The following PDE5A variants were observed in gnomAD, a reference collection of about 807,000 sequenced individuals.
PDE5A encodes the protein phosphodiesterase 5A, also known as cGMP-specific 3',5'-cyclic phosphodiesterase.
PDE5A carries 67 observed loss-of-function variants against 110.2 expected under a neutral mutation model. The ratio of observed to expected loss-of-function variants is 0.61; its 90% CI spans 0.50 to 0.75. The LOEUF (loss-of-function observed/expected upper bound fraction) is 0.75, where lower values mean the gene tolerates loss of function less well. PDE5A is among the 30% of genes least tolerant of loss of function. The pLI is 0.00. For synonymous variants in PDE5A, 328 were observed against 351.2 expected (o/e 0.93, Z 0.74); for missense variants, 862 against 1,045.1 (o/e 0.82, Z 2.42).
intron 1 of PDE5A, among the ~76,000 whole-genome samples, chr4:119,612,308 C>T (rs112903887): frequency 1.3e-5 from 2 of 152,270 alleles, no homozygotes; most frequent in African/African-American, 4.8e-5. Context: ...TCATGAATGG[C>T]TTCACACCAT....
In PDE5A at chr4:119,565,973, TTAA is replaced by T. The variant is rs568648578; in HGVS notation, c.904-566_904-564del. On this transcript the variant is annotated intron_variant, in intron 4 of 20. Coordinates refer to ENST00000354960, the MANE Select transcript of PDE5A (RefSeq NM_001083.4). ...TTATTATTAATTAATATTATTATAATTAATAATAATTAATAGTATTAATTATTG... is the reference window on the plus strand; with the variant it reads ...TTATTATTAATTAATATTATTATAATTAATAATTAATAGTATTAATTATTG... 3.5e-3 allele frequency among the ~76,000 whole-genome samples: 519 copies of T among 147,500 alleles called. 4 individuals are homozygous for T. The highest frequency in any genetic ancestry group is 0.012 in the African/African-American group (478 of 40,224).
intron 1 of PDE5A, among the ~76,000 whole-genome samples, chr4:119,623,806 G>A (rs566883622): frequency 1.3e-5 from 2 of 152,236 alleles, no homozygotes; most frequent in South Asian, 4.1e-4. Context: ...GCTACTGAAT[G>A]ATACCACAAG....
At chr4:119,547,851 C>A (rs760152695) in intron 9 of PDE5A, among the ~76,000 whole-genome samples, 1 of 151,786 alleles carries the variant, frequency 6.6e-6, no homozygotes, top group Non-Finnish European at 1.5e-5. Context: ...TGCATATCAC[C>A]AATATTTGAT....
chr4:119,579,581 T>G (rs1578795233), intron 3 of PDE5A, among the ~76,000 whole-genome samples: 1 of 150,058 alleles, frequency 6.7e-6, no homozygotes, highest in South Asian at 2.1e-4. Context: ...CAGCAAACTA[T>G]CACAAGGACA....
At chr4:119,564,487 T>C (rs1727854237) in intron 5 of PDE5A, among the ~76,000 whole-genome samples, 1 of 152,104 alleles carries the variant, frequency 6.6e-6, no homozygotes, top group Non-Finnish European at 1.5e-5. Flanking sequence ...ATGATGACAC[T>C]AGTGTAGCAG....
At chr4:119,499,776 C>G (rs758485015) in intron 20 of PDE5A, 2 of 152,096 alleles carry the variant, frequency 1.3e-5, no homozygotes, top group South Asian at 4.2e-4. Flanking sequence ...AGGCTGGCCT[C>G]GAACTCCTGA....
At chr4:119,568,569 CAT>C (rs1216869362) in intron 3 of PDE5A, among the ~76,000 whole-genome samples, 1 of 152,094 alleles carries the variant, frequency 6.6e-6, no homozygotes, top group African/African-American at 2.4e-5. Context: ...GATACATAAA[CAT>C]AGACTTATAG....
intron 1 of PDE5A, among the ~76,000 whole-genome samples, chr4:119,611,245 A>C (rs1285877529): frequency 6.6e-6 from 1 of 152,130 alleles, no homozygotes; most frequent in Non-Finnish European, 1.5e-5. Flanking sequence ...CTTGTTTATC[A>C]ATCTGTTGTT....
chr4:119,613,085 C>CA (rs2110555978), intron 1 of PDE5A, among the ~76,000 whole-genome samples: 1 of 152,194 alleles, frequency 6.6e-6, no homozygotes, highest in Admixed American at 6.5e-5. Flanking sequence ...AATATTAATT[C>CA]AAAAAACTAG....
At chr4:119,591,807 G>C (rs1291903640) in intron 3 of PDE5A, among the ~76,000 whole-genome samples, 1 of 152,094 alleles carries the variant, frequency 6.6e-6, no homozygotes, top group East Asian at 1.9e-4. Flanking sequence ...GGAGGAAAGG[G>C]AGCAAGATGA....
chr4:119,603,128 T>G (rs28394116), intron 2 of PDE5A, among the ~76,000 whole-genome samples: 40,678 of 152,104 alleles, frequency 0.27, 5,594 homozygotes, highest in East Asian at 0.39. Flanking sequence ...CCAAGCACAT[T>G]TATATAGTAG....
chr4:119,539,127 C>T (rs1414610987), intron 10 of PDE5A, 108 bp from the exon 11 acceptor site: 1 of 830,696 alleles, frequency 1.2e-6, no homozygotes, highest in African/African-American at 1.7e-5. Context: ...GATAATTAGA[C>T]TCCTCAGAAT....
At chr4:119,520,204 T>C (rs1030418243) in intron 13 of PDE5A, among the ~76,000 whole-genome samples, 1 of 151,998 alleles carries the variant, frequency 6.6e-6, no homozygotes, top group Non-Finnish European at 1.5e-5. Context: ...CCTATGAAAG[T>C]AGAGACAGAG....
chr4:119,529,137 G>T lies in PDE5A; in HGVS notation c.1633-3442C>A, dbSNP rs948106705. ...GTCATTTTTTTTTTTCAGGGATGGG[G>T]GAAGTGTCTATGTATTTGTCATCTG... On this transcript the variant is annotated intron_variant, in intron 11 of 20. Transcript: ENST00000354960. Among the ~76,000 whole-genome samples, 3 of 151,840 alleles carry T rather than the reference G, an allele frequency of 2.0e-5. No individual in the cohort carries two copies. The East Asian group carries it at 5.8e-4, about 29-fold the overall frequency.
chr4:119,565,932 AT>A (rs146886658), intron 4 of PDE5A, among the ~76,000 whole-genome samples: 2,256 of 148,868 alleles, frequency 0.015, 59 homozygotes, highest in African/African-American at 0.052. Context: ...TATATTAATT[AT>A]TGATTGACTA....
intron 19 of PDE5A, 93 bp downstream of exon 19, chr4:119,502,488 C>T (rs572321828): frequency 9.3e-5 from 66 of 706,014 alleles, no homozygotes; most frequent in Middle Eastern, 3.7e-4. Context: ...AAATTGTGGT[C>T]CTAAGGAAAG....
chr4:119,556,737 C>T (rs1426808469), intron 7 of PDE5A, among the ~76,000 whole-genome samples: 1 of 151,950 alleles, frequency 6.6e-6, no homozygotes, highest in Non-Finnish European at 1.5e-5. Context: ...AAAGGAGAGA[C>T]ATCAGGAATG....
At chr4:119,566,175 C>A (rs1408821175) in intron 4 of PDE5A, among the ~76,000 whole-genome samples, 1 of 152,000 alleles carries the variant, frequency 6.6e-6, no homozygotes, top group African/African-American at 2.4e-5. Flanking sequence ...ATGAACAGAA[C>A]AGGAGCCTAG....
intron 1 of PDE5A, among the ~76,000 whole-genome samples, chr4:119,611,322 C>T (rs1473375342): frequency 6.6e-6 from 1 of 152,220 alleles, no homozygotes; most frequent in Non-Finnish European, 1.5e-5. Flanking sequence ...ATCTCCTGTA[C>T]TTAGATTAAT....
Sources: allele counts gnomAD v4.1 joint callset (sites outside exome capture counted in the v4.1 genomes callset), GRCh38; gene constraint gnomAD v4.1.1; transcripts MANE v1.5; gene names NCBI Gene and HGNC (gene_info 2026-07-23, HGNC 2026-07-21).